The following COL4A4 variants were observed in gnomAD, a reference collection of about 807,000 sequenced individuals.
The protein encoded by COL4A4 is collagen alpha-4(IV) chain.
A neutral mutation model predicts 192.9 loss-of-function variants in COL4A4; 105 were observed. That is an observed-to-expected ratio of 0.54 (90% CI 0.46 to 0.64). The LOEUF (loss-of-function observed/expected upper bound fraction) is 0.64. Ranked by LOEUF, COL4A4 falls within the 30% of genes least tolerant of loss-of-function variation. COL4A4 has a pLI of 0.00. For synonymous variants in COL4A4, 762 were observed against 769.9 expected (o/e 0.99, Z 0.17); for missense variants, 1,967 against 2,169.3 (o/e 0.91, Z 1.85).
rs1334723405 is a variant in COL4A4, at chr2:227,008,313, G to A, written c.4523-9C>T. The stretch of plus-strand genomic sequence containing the variant: ...GCAAGACCCTGCCAGACCTTGGGAA[G>A]GGAAGAAGAGACAGCTGGTGTCCAA... On this transcript the variant is annotated splice_polypyrimidine_tract_variant and intron_variant, in intron 46 of 47. Coordinates refer to ENST00000396625, the MANE Select transcript of COL4A4 (RefSeq NM_000092.5). 6 of 1,613,942 alleles carry A rather than the reference G, an allele frequency of 3.7e-6. No individual in the cohort carries two copies. The highest frequency in any genetic ancestry group is 1.7e-5 in the Admixed American group (1 of 60,020).
chr2:227,030,617 C>A lies in COL4A4; in HGVS notation c.3818-19G>T, dbSNP rs781030748. 3.2e-6 allele frequency: 5 copies of A among 1,559,126 alleles called. No homozygotes were observed. Among genetic ancestry groups the A allele is most frequent in the Non-Finnish European group, 4.3e-6 (5 of 1,158,236 alleles). On this transcript the variant is annotated intron_variant, in intron 40 of 47. Transcript: ENST00000396625. ...GGTGCTCCTGACCACAGAGAAGAGA[C>A]AAAAATATTCTTTTAGTCAAAGACG...
At chr2:227,065,933 C>A (rs550688066) in intron 25 of COL4A4, among the ~76,000 whole-genome samples, 1 of 152,114 alleles carries the variant, frequency 6.6e-6, no homozygotes, top group Non-Finnish European at 1.5e-5. Context: ...CTCCGAGCTA[C>A]GGGGGAACAT....
chr2:227,120,256 T>A (rs2061703101), intron 5 of COL4A4, among the ~76,000 whole-genome samples: 1 of 152,170 alleles, frequency 6.6e-6, no homozygotes, highest in Non-Finnish European at 1.5e-5. Context: ...ATAGGATTAT[T>A]TTTGCACATC....
At chr2:226,992,861 C>T in the COL4A4 span, among the ~76,000 whole-genome samples, 1 of 152,146 alleles carries the variant, frequency 6.6e-6, no homozygotes, top group African/African-American at 2.4e-5. Flanking sequence ...GCTCAGTGAC[C>T]TCAGATGTGT....
At chr2:227,078,577 G>A (rs1233729333) in intron 24 of COL4A4, among the ~76,000 whole-genome samples, 1 of 152,174 alleles carries the variant, frequency 6.6e-6, no homozygotes, top group East Asian at 1.9e-4. Flanking sequence ...TATAATATAA[G>A]CATGTGTGTT....
rs1051786841 is a variant in COL4A4 at position 227,158,380 on chromosome 2, G to A, written c.-102+5627C>T. On this transcript the variant is annotated intron_variant, in intron 1 of 47. Transcript: ENST00000396625. ...AGGTAAAAGTAACAATACTACACAA[G>A]AAGAAAACATAGGAGAAAATTTCTG... Among the ~76,000 whole-genome samples, 9 of 152,144 alleles carry A rather than the reference G, an allele frequency of 5.9e-5. No individual in the cohort carries two copies. In the South Asian group the frequency reaches 1.7e-3, roughly 28 times the overall value.
chr2:227,129,981 A>G (rs932016861), intron 4 of COL4A4, among the ~76,000 whole-genome samples: 1 of 152,122 alleles, frequency 6.6e-6, no homozygotes, highest in African/African-American at 2.4e-5. Context: ...TCAACCAGTC[A>G]GCCACTGGGT....
intron 37 of COL4A4, among the ~76,000 whole-genome samples, chr2:227,041,854 GAAAGAAAGAAAGAAAGAAAGAA>G (rs1971352770): frequency 1.0e-5 from 1 of 99,266 alleles, no homozygotes; most frequent in African/African-American, 4.5e-5. Context: ...GAAAGAGAAA[GAAAGAAAGAAAGAAAGAAAGAA>G]AGAAAGAAAG....
intron 30 of COL4A4, 115 bp from the exon 31 acceptor site, chr2:227,054,852 C>T (rs996100376): frequency 3.3e-5 from 38 of 1,164,506 alleles, no homozygotes; most frequent in Admixed American, 8.1e-5. Flanking sequence ...TGCAGTGGCA[C>T]GATCTCGGCT....
rs1377321838 is a variant in COL4A4, at chr2:227,112,964, T to C, written c.559-1251A>G. Among the ~76,000 whole-genome samples, 11 of 152,240 alleles carry C rather than the reference T, an allele frequency of 7.2e-5. No individual in the cohort carries two copies. In the East Asian group the frequency reaches 1.2e-3, roughly 16 times the overall value. ...CACATTTTGTTTATCCATTCATCTG[T>C]TGATGGACACGATTACTTCCACCTT... On this transcript the variant is annotated intron_variant, in intron 8 of 47. Transcript: ENST00000396625.
chr2:227,023,512 CATTAAGACATCTTTTCT>C (rs1966427629), intron 43 of COL4A4, among the ~76,000 whole-genome samples: 1 of 147,030 alleles, frequency 6.8e-6, no homozygotes, highest in African/African-American at 2.7e-5. Flanking sequence ...ACTTTCACAT[CATTAAGACATCTTTTCT>C]AAAGCTTCAT....
intron 25 of COL4A4, among the ~76,000 whole-genome samples, chr2:227,067,172 C>G (rs538066928): frequency 6.6e-6 from 1 of 152,010 alleles, no homozygotes. Flanking sequence ...GCTAACTATC[C>G]TAAATATATA....
the COL4A4 span, chr2:226,988,776 C>T: frequency 4.2e-5 from 36 of 854,828 alleles, no homozygotes; most frequent in Admixed American, 6.2e-5. Context: ...TAAGAAGTTA[C>T]AAACTGTTCT....
rs1974862128 is a variant in COL4A4 at position 227,054,457 on chromosome 2, A to G, written c.2860+137T>C. ...AAAATGAATTTTGTTTAAAATTCTA[A>G]AACAAATACCATAGAACTAAAAGGA... On this transcript the variant is annotated intron_variant, in intron 31 of 47. Transcript: ENST00000396625. The G allele has an allele frequency of 4.2e-6, 4 of 956,470 alleles. No homozygotes were observed. The South Asian group carries it at 6.2e-5, about 15-fold the overall frequency. 59.2% of individuals were successfully genotyped at this position (956,470 alleles called of 1,614,324 possible).
At chr2:227,129,892 TC>T (rs2062327548) in intron 4 of COL4A4, among the ~76,000 whole-genome samples, 1 of 152,078 alleles carries the variant, frequency 6.6e-6, no homozygotes, top group African/African-American at 2.4e-5. Flanking sequence ...TTTTTATGAG[TC>T]TCATTATTCT....
intron 19 of COL4A4, among the ~76,000 whole-genome samples, chr2:227,095,313 G>A (rs1576464692): frequency 6.6e-6 from 1 of 152,186 alleles, no homozygotes; most frequent in African/African-American, 2.4e-5. Flanking sequence ...CCAGGTTGAT[G>A]GGGAAGGATG....
Position 227,099,624 on chromosome 2 carries a change from G to T in COL4A4, c.1095C>A (p.Leu365=), listed in dbSNP as rs1410008498. Residue 365 remains leucine (L), a synonymous_variant, in exon 18 of 48, where the codon CTC becomes CTA. Transcript: ENST00000396625. The part of the protein sequence containing the change: ...PGVLVTPPLP[L]KGPPGDPGFP... ...GAACTGAATAGGAACACAAACCTTT[G>T]AGTGGAAGAGGTGGAGTCACCAAAA... 1 of 1,613,982 alleles carries T rather than the reference G, an allele frequency of 6.2e-7. No homozygotes were observed. Among genetic ancestry groups the T allele is most frequent in the Admixed American group, 1.7e-5 (1 of 60,030 alleles).
intron 22 of COL4A4, among the ~76,000 whole-genome samples, chr2:227,083,657 T>C: frequency 6.6e-6 from 1 of 152,128 alleles, no homozygotes; most frequent in East Asian, 1.9e-4. Flanking sequence ...TCTTGCTGTA[T>C]TGCCCAGGCT....
At position 227,003,266 on chromosome 2, in the gene COL4A4, A is replaced by G. The variant is rs1394812486; in HGVS notation, c.*4059T>C. 6.6e-6 allele frequency: 1 copy of G among 152,234 alleles called. No individual in the cohort carries two copies. Among genetic ancestry groups the G allele is most frequent in the Non-Finnish European group, 1.5e-5 (1 of 68,046 alleles). The allele number at this position is 152,234 out of a possible 1,614,324, so 9.4% of individuals were successfully genotyped here. A position where few individuals can be genotyped will look rare whatever the true frequency, so the allele number is the denominator to read the frequency against. ...TTCGTATTAGTTTATTTTAAATACA[A>G]AATGTGACCATAGTAAGTGTATGAT... is the stretch of plus-strand genomic sequence containing the variant. On this transcript the variant is annotated 3_prime_UTR_variant, in exon 48 of 48. Coordinates refer to ENST00000396625, the MANE Select transcript of COL4A4 (RefSeq NM_000092.5).
Sources: gnomAD v4.1 joint callset for allele counts (sites outside exome capture counted in the v4.1 genomes callset) on GRCh38, gnomAD v4.1.1 for gene constraint, MANE v1.5 for transcripts, NCBI Gene and HGNC (gene_info 2026-07-23, HGNC 2026-07-21) for gene names.